TBC1D5: variants seen among roughly 807,000 people sequenced by gnomAD.
TBC1D5 encodes the protein TBC1 domain family member 5, also known as TBC1 domain family, member 5.
A neutral mutation model predicts 100.3 loss-of-function variants in TBC1D5; 75 were observed. That is an observed-to-expected ratio of 0.75 (90% CI 0.62 to 0.91). TBC1D5 has a LOEUF of 0.91. TBC1D5 is among the 40% of genes least tolerant of loss of function. The pLI, the probability that TBC1D5 is intolerant of heterozygous loss-of-function variation, is 0.00. For synonymous variants in TBC1D5, 323 were observed against 325.6 expected (o/e 0.99, Z 0.09); for missense variants, 910 against 942.4 (o/e 0.97, Z 0.45).
chr3:17,521,242 G>A (rs951573261), intron 2 of TBC1D5, among the ~76,000 whole-genome samples: 12 of 152,042 alleles, frequency 7.9e-5, no homozygotes, highest in African/African-American at 2.2e-4. Context: ...GAACTGCACC[G>A]GTCCATGTGG....
intron 2 of TBC1D5, among the ~76,000 whole-genome samples, chr3:17,523,153 T>C (rs1238932679): frequency 6.6e-6 from 1 of 152,180 alleles, no homozygotes; most frequent in Admixed American, 6.5e-5. Context: ...ACCCCCATTT[T>C]ACATAGGTGG....
chr3:17,554,862 T>C lies in TBC1D5; in HGVS notation c.-35-46257A>G, dbSNP rs545288887. ...ATATCTGTGCTTTTTTTTTTTCTTT[T>C]TTTTTGGAGACAGAGTCTCACTCTG... On this transcript the variant is annotated intron_variant, in intron 2 of 21. Coordinates refer to ENST00000253692, the Ensembl canonical transcript of TBC1D5. Among the ~76,000 whole-genome samples the C allele has an allele frequency of 1.1e-3, 162 of 152,198 alleles. 1 individual carries two copies. The highest frequency in any genetic ancestry group is 3.8e-3 in the African/African-American group (157 of 41,514).
chr3:17,332,875 G>C (rs900717808), intron 13 of TBC1D5, among the ~76,000 whole-genome samples: 2 of 152,146 alleles, frequency 1.3e-5, no homozygotes, highest in Admixed American at 6.6e-5. Flanking sequence ...ATTTAAGAGA[G>C]AGTGGAAGTT....
At chr3:17,341,243 C>A (rs1452913880) in intron 13 of TBC1D5, among the ~76,000 whole-genome samples, 1 of 152,050 alleles carries the variant, frequency 6.6e-6, no homozygotes, top group Non-Finnish European at 1.5e-5. Context: ...GTCGCCCAGG[C>A]TGGAGTGCAG....
exon 3 of TBC1D5, chr3:17,508,495 T>C (rs941556483): frequency 6.8e-6 from 11 of 1,613,626 alleles, no homozygotes; most frequent in Admixed American, 1.7e-5. Flanking sequence ...TTAGAGTAAC[T>C]GGACAAGGGG....
At chr3:17,327,812 C>T (rs767229506) in intron 13 of TBC1D5, among the ~76,000 whole-genome samples, 2 of 152,062 alleles carry the variant, frequency 1.3e-5, no homozygotes, top group Non-Finnish European at 2.9e-5. Context: ...CTGTGTGTTG[C>T]TGTATGTGGT....
intron 2 of TBC1D5, among the ~76,000 whole-genome samples, chr3:17,597,542 T>C (rs1228214511): frequency 6.6e-6 from 1 of 152,226 alleles, no homozygotes; most frequent in African/African-American, 2.4e-5. Context: ...GTTTACATTA[T>C]CATTACCCAC....
chr3:17,301,400 A>G (rs978129817), intron 14 of TBC1D5, among the ~76,000 whole-genome samples: 4 of 152,234 alleles, frequency 2.6e-5, no homozygotes. Context: ...GTGTTGTTCT[A>G]AGAATGAGAC....
At chr3:17,406,154 T>A (rs2093763613) in intron 5 of TBC1D5, among the ~76,000 whole-genome samples, 2 of 152,084 alleles carry the variant, frequency 1.3e-5, no homozygotes, top group South Asian at 4.1e-4. Context: ...AGTGTAAAAG[T>A]GTTGCTCTGA....
At chr3:17,311,347 C>T (rs2084010960) in intron 13 of TBC1D5, among the ~76,000 whole-genome samples, 1 of 151,858 alleles carries the variant, frequency 6.6e-6, no homozygotes, top group South Asian at 2.1e-4. Context: ...TCATATTTTA[C>T]CATATCTACT....
At position 17,492,391 on chromosome 3, in the gene TBC1D5, T is replaced by C. The variant is rs567895904; in HGVS notation, c.97+16083A>G. ...TAGGTGTGATGTTAGGATGTTGACTTAAGATCTTCCTAGCTTTTTGTTAAG... is the reference window on the plus strand; with the variant it reads ...TAGGTGTGATGTTAGGATGTTGACTCAAGATCTTCCTAGCTTTTTGTTAAG... On this transcript the variant is annotated intron_variant, in intron 3 of 21. Coordinates refer to ENST00000253692, the Ensembl canonical transcript of TBC1D5. Among the ~76,000 whole-genome samples the C allele has an allele frequency of 9.2e-5, 14 of 152,226 alleles. No homozygotes were observed. In the East Asian group the frequency reaches 2.7e-3, roughly 29 times the overall value.
chr3:17,166,957 A>T (rs1056237592), intron 20 of TBC1D5, 29 bp from the exon 22 acceptor site: 1 of 1,572,250 alleles, frequency 6.4e-7, no homozygotes, highest in African/African-American at 1.4e-5. Context: ...AAAATAAATG[A>T]AAAAAATGGA....
chr3:17,544,650 G>GGAAAAAAAAAA lies in TBC1D5; in HGVS notation c.-35-36046_-35-36045insTTTTTTTTTTC, dbSNP rs1241247818. 2.1e-3 allele frequency among the ~76,000 whole-genome samples: 184 copies of GGAAAAAAAAAA among 86,254 alleles called. 1 individual carries two copies. Among genetic ancestry groups the GGAAAAAAAAAA allele is most frequent in the African/African-American group, 7.7e-3 (179 of 23,254 alleles). The allele number at this position is 86,254 out of a possible 152,430, so 56.6% of individuals were successfully genotyped here. On this transcript the variant is annotated intron_variant, in intron 2 of 21. Transcript: ENST00000253692. Reference sequence around the variant, plus strand: ...TGGGCGACAAAGTGAGACTCCGTCTGAAAAAAAAAAAAAAAAAGCACCTTA... The same window carrying GGAAAAAAAAAA: ...TGGGCGACAAAGTGAGACTCCGTCTGGAAAAAAAAAAAAAAAAAAAAAAAAAAAGCACCTTA...
intron 2 of TBC1D5, among the ~76,000 whole-genome samples, chr3:17,612,299 CAA>C (rs111532896): frequency 1.8e-4 from 11 of 60,996 alleles, no homozygotes; most frequent in Non-Finnish European, 2.5e-4. Context: ...GACACCGTCT[CAA>C]AAAAAAAAAA....
At chr3:17,742,022 A>G (rs949646606), upstream of TBC1D5, among the ~76,000 whole-genome samples, 2 of 151,920 alleles carry the variant, frequency 1.3e-5, no homozygotes, top group Non-Finnish European at 2.9e-5. Flanking sequence ...GCCCAAATGA[A>G]CATGGAAATT....
chr3:17,625,809 C>G (rs1172401001), intron 1 of TBC1D5, among the ~76,000 whole-genome samples: 2 of 151,966 alleles, frequency 1.3e-5, no homozygotes, highest in Non-Finnish European at 2.9e-5. Flanking sequence ...AACATATCTA[C>G]TTTCAATCTA....
At chr3:17,248,200 C>A (rs1332946705) in intron 16 of TBC1D5, among the ~76,000 whole-genome samples, 2 of 152,160 alleles carry the variant, frequency 1.3e-5, no homozygotes, top group Non-Finnish European at 2.9e-5. Flanking sequence ...CCATGTTGGC[C>A]AGGCTGGTCT....
At chr3:17,572,899 C>T (rs2096636256) in intron 2 of TBC1D5, among the ~76,000 whole-genome samples, 1 of 152,032 alleles carries the variant, frequency 6.6e-6, no homozygotes, top group South Asian at 2.1e-4. Flanking sequence ...CCTATAATCC[C>T]TGGGCAACCT....
At chr3:17,468,695 G>A (rs1440627237) in intron 3 of TBC1D5, among the ~76,000 whole-genome samples, 1 of 152,152 alleles carries the variant, frequency 6.6e-6, no homozygotes, top group Non-Finnish European at 1.5e-5. Context: ...ATGATCTGCA[G>A]AATGATGAAT....
Sources: allele counts gnomAD v4.1 joint callset (sites outside exome capture counted in the v4.1 genomes callset), GRCh38; gene constraint gnomAD v4.1.1; transcripts MANE v1.5; gene names NCBI Gene and HGNC (gene_info 2026-07-23, HGNC 2026-07-21).